The following SEMA6D variants were observed in gnomAD, a reference collection of about 807,000 sequenced individuals.
SEMA6D encodes semaphorin 6D, also known as semaphorin-6D.
SEMA6D carries 35 observed loss-of-function variants against 106.6 expected under a neutral mutation model. That is an observed-to-expected ratio of 0.33 (90% CI 0.25 to 0.44). The LOEUF is 0.44. Ranked by LOEUF, SEMA6D falls within the 20% of genes least tolerant of loss-of-function variation. The pLI is 1.00. For synonymous variants in SEMA6D, 499 were observed against 487.7 expected (o/e 1.02, Z -0.31); for missense variants, 1,185 against 1,345.9 (o/e 0.88, Z 1.87).
chr15:47,517,107 T>G (rs1484866614), intron 3 of SEMA6D, among the ~76,000 whole-genome samples: 1 of 152,118 alleles, frequency 6.6e-6, no homozygotes, highest in Non-Finnish European at 1.5e-5. Context: ...TGTTTTTAGT[T>G]CTTTAGCTGT....
intron 1 of SEMA6D, among the ~76,000 whole-genome samples, chr15:47,324,064 A>G (rs1167057899): frequency 1.3e-5 from 2 of 151,446 alleles, no homozygotes; most frequent in Non-Finnish European, 2.9e-5. Context: ...AAGAAAGCTC[A>G]CATCTAATGT....
chr15:47,436,192 C>G (rs1379866605), intron 2 of SEMA6D, among the ~76,000 whole-genome samples: 1 of 152,004 alleles, frequency 6.6e-6, no homozygotes, highest in African/African-American at 2.4e-5. Flanking sequence ...GAGTTCCAGA[C>G]CAGACTGGCC....
chr15:47,391,684 G>A (rs1254036327), intron 1 of SEMA6D, among the ~76,000 whole-genome samples: 2 of 150,630 alleles, frequency 1.3e-5, no homozygotes, highest in Non-Finnish European at 2.9e-5. Context: ...TGTAAGAGGA[G>A]TGAAACTAGC....
intron 1 of SEMA6D, among the ~76,000 whole-genome samples, chr15:47,198,444 T>G (rs1471028076): frequency 6.6e-6 from 1 of 152,178 alleles, no homozygotes; most frequent in Non-Finnish European, 1.5e-5. Flanking sequence ...TATACAATTT[T>G]ATCTGTCAAT....
intron 2 of SEMA6D, among the ~76,000 whole-genome samples, chr15:47,414,452 A>G (rs2040896315): frequency 6.6e-6 from 1 of 152,060 alleles, no homozygotes; most frequent in Admixed American, 6.6e-5. Context: ...TGTGAGGAGG[A>G]AAAAAAAGTA....
chr15:47,667,768 T>C (rs2078056411), intron 4 of SEMA6D, among the ~76,000 whole-genome samples: 1 of 152,086 alleles, frequency 6.6e-6, no homozygotes, highest in African/African-American at 2.4e-5. Flanking sequence ...CACCTCCAAA[T>C]ACCAGCCCAT....
chr15:47,358,712 G>A (rs1199546119), intron 1 of SEMA6D, among the ~76,000 whole-genome samples: 1 of 152,236 alleles, frequency 6.6e-6, no homozygotes, highest in East Asian at 1.9e-4. Flanking sequence ...GCACCAGTGT[G>A]CATGGAGATC....
chr15:47,485,675 G>A (rs1263562385), intron 3 of SEMA6D, among the ~76,000 whole-genome samples: 2 of 152,028 alleles, frequency 1.3e-5, no homozygotes, highest in Non-Finnish European at 2.9e-5. Flanking sequence ...ATAGCAGAAA[G>A]CCCAAGAAAG....
chr15:47,483,188 G>A (rs75772884), intron 3 of SEMA6D, among the ~76,000 whole-genome samples: 23,988 of 152,064 alleles, frequency 0.16, 2,468 homozygotes, highest in South Asian at 0.28. Context: ...CCTACTGTCA[G>A]AATATTTGCT....
intron 2 of SEMA6D, among the ~76,000 whole-genome samples, chr15:47,457,433 TTA>T (rs2042377473): frequency 6.6e-6 from 1 of 151,910 alleles, no homozygotes; most frequent in Admixed American, 6.6e-5. Context: ...TTAAGCAGTA[TTA>T]TAAGTATATT....
At chr15:47,477,566 T>A (rs1165254223) in intron 3 of SEMA6D, among the ~76,000 whole-genome samples, 1 of 152,216 alleles carries the variant, frequency 6.6e-6, no homozygotes, top group Non-Finnish European at 1.5e-5. Flanking sequence ...ATTGCTGTCA[T>A]CATAAATAAA....
In SEMA6D at chr15:47,549,738, A is replaced by G. The variant is rs1308368410; in HGVS notation, c.-86-51127A>G. On this transcript the variant is annotated intron_variant, in intron 3 of 19. Coordinates refer to the SEMA6D transcript ENST00000558014. ...ACTGGCTTTAAAGTTGTTGAAATGA[A>G]GATGATTATAAACACTTAAGGTATT... 1.3e-5 allele frequency among the ~76,000 whole-genome samples: 2 copies of G among 152,202 alleles called. 1 individual carries two copies. The highest frequency in any genetic ancestry group is 2.9e-5 in the Non-Finnish European group (2 of 68,028).
chr15:47,710,614 T>A (rs768692440), intron 4 of SEMA6D, among the ~76,000 whole-genome samples: 4 of 152,102 alleles, frequency 2.6e-5, no homozygotes, highest in Non-Finnish European at 4.4e-5. Flanking sequence ...ACACAGTGTG[T>A]GCAATGATAT....
intron 2 of SEMA6D, among the ~76,000 whole-genome samples, chr15:47,427,802 T>G (rs1186379470): frequency 6.6e-6 from 1 of 152,164 alleles, no homozygotes; most frequent in Admixed American, 6.6e-5. Flanking sequence ...GTTATTAACT[T>G]TAAGAGTTCT....
chr15:47,650,122 A>G (rs1008220528), intron 4 of SEMA6D, among the ~76,000 whole-genome samples: 2 of 152,172 alleles, frequency 1.3e-5, no homozygotes, highest in Admixed American at 1.3e-4. Flanking sequence ...TTATCCTCCC[A>G]GCAATCCTGA....
intron 3 of SEMA6D, among the ~76,000 whole-genome samples, chr15:47,519,874 G>A (rs1656620): frequency 0.027 from 4,062 of 152,270 alleles, 167 homozygotes; most frequent in African/African-American, 0.094. Flanking sequence ...AGAAATACAT[G>A]GTGTTGTCAT....
chr15:47,203,744 CCTT>C (rs1420629421), intron 1 of SEMA6D, among the ~76,000 whole-genome samples: 1 of 152,142 alleles, frequency 6.6e-6, no homozygotes, highest in Non-Finnish European at 1.5e-5. Flanking sequence ...AGGATCATCA[CCTT>C]CTTTCTGCCC....
intron 3 of SEMA6D, among the ~76,000 whole-genome samples, chr15:47,559,536 A>G (rs1318495803): frequency 6.6e-6 from 1 of 152,170 alleles, no homozygotes; most frequent in African/African-American, 2.4e-5. Flanking sequence ...AAAGCTTAGT[A>G]GAAGCTAATA....
At chr15:47,572,930 T>C (rs922397356) in intron 3 of SEMA6D, among the ~76,000 whole-genome samples, 1 of 152,014 alleles carries the variant, frequency 6.6e-6, no homozygotes, top group Non-Finnish European at 1.5e-5. Flanking sequence ...TAAAGGTAAA[T>C]CAAACCAGAG....
Sources: allele counts gnomAD v4.1 joint callset (sites outside exome capture counted in the v4.1 genomes callset), GRCh38; gene constraint gnomAD v4.1.1; transcripts MANE v1.5; gene names NCBI Gene and HGNC (gene_info 2026-07-23, HGNC 2026-07-21).